TTYH3: variants seen among roughly 807,000 people sequenced by gnomAD.
The protein encoded by TTYH3 is tweety family member 3.
A neutral mutation model predicts 68.2 loss-of-function variants in TTYH3; 23 were observed. The ratio of observed to expected loss-of-function variants is 0.34; its 90% confidence interval spans 0.24 to 0.48. The LOEUF (loss-of-function observed/expected upper bound fraction) is 0.48. TTYH3 is among the 20% of genes least tolerant of loss of function. TTYH3 has a pLI of 0.99. For missense variants in TTYH3, 768 were observed against 727.7 expected, an observed-to-expected ratio of 1.06 and a Z score of -0.64; for synonymous variants, 360 against 332.8, an observed-to-expected ratio of 1.08 and a Z score of -0.89.
At chr7:2,638,927 G>C (rs773646391) in intron 1 of TTYH3, among the ~76,000 whole-genome samples, 32 of 152,102 alleles carry the variant, frequency 2.1e-4, no homozygotes, top group Non-Finnish European at 3.5e-4. Flanking sequence ...CATGGGGGTG[G>C]TGGTAGTGGC....
rs1786028361 is a variant in TTYH3, at chr7:2,647,442, A to G, written c.430A>G (p.Asn144Asp). The G allele has an allele frequency of 2.0e-6, 3 of 1,527,426 alleles. No homozygotes were observed. In the East Asian group the frequency reaches 7.4e-5, roughly 38 times the overall value. 94.6% of individuals were successfully genotyped at this position (1,527,426 alleles called of 1,614,324 possible). A position where few individuals can be genotyped will look rare whatever the true frequency, so the allele number is the denominator to read the frequency against. The change falls in exon 4 of 14, where the codon AAC becomes GAC. Residue 144 changes from asparagine to aspartate, a missense_variant. By Grantham distance (23) the Asn-to-Asp change is conservative. Transcript: ENST00000258796. ...DRVWDTAVGLNHTAEPSLQTL... is the reference protein window; with the variant it reads ...DRVWDTAVGLDHTAEPSLQTL... ...GGTGTGGGACACGGCGGTGGGGCTG[A>G]ACCACACGGCGGAGCCCAGCCTGCA... is the stretch of plus-strand genomic sequence containing the variant.
rs890235770 is a variant in TTYH3, at chr7:2,636,991, C to T, written c.123+4713C>T. Among the ~76,000 whole-genome samples the T allele has an allele frequency of 4.6e-5, 7 of 152,156 alleles. No individual in the cohort carries two copies. The East Asian group carries it at 7.7e-4, about 17-fold the overall frequency. ...CCTCTAGAAGTCCCCGAGGTCTTCA[C>T]GGCTTTTTGTAGGTGTGGATGTTGG... On this transcript the variant is annotated intron_variant, in intron 1 of 13. Coordinates refer to ENST00000258796, the MANE Select transcript of TTYH3 (RefSeq NM_025250.3).
chr7:2,633,146 G>A (rs1208199862), intron 1 of TTYH3, among the ~76,000 whole-genome samples: 1 of 152,196 alleles, frequency 6.6e-6, no homozygotes, highest in East Asian at 1.9e-4. Context: ...GGACCAAGCT[G>A]TGGGCATTTC....
At chr7:2,660,528 G>A in intron 13 of TTYH3, 1 of 985,290 alleles carries the variant, frequency 1.0e-6, no homozygotes, top group Non-Finnish European at 1.2e-6. Flanking sequence ...TCCTTCAGGG[G>A]TCTGCGCGTC....
At chr7:2,655,518 T>C (rs1786308145) in intron 9 of TTYH3, among the ~76,000 whole-genome samples, 1 of 152,232 alleles carries the variant, frequency 6.6e-6, no homozygotes, top group Non-Finnish European at 1.5e-5. Context: ...GCCCAGTCAC[T>C]GCTCCTGTGG....
chr7:2,653,632 G>A (rs1046958551), intron 9 of TTYH3, among the ~76,000 whole-genome samples: 4 of 152,242 alleles, frequency 2.6e-5, no homozygotes, highest in African/African-American at 9.6e-5. Context: ...GGAGGCCGAG[G>A]TGGGTGAATC....
Position 2,660,407 on chromosome 7 carries a change from G to T in TTYH3, c.1501-1261G>T, listed in dbSNP as rs1288570516. 5.1e-6 allele frequency: 5 copies of T among 985,298 alleles called. No individual in the cohort carries two copies. In the African/African-American group the frequency reaches 8.7e-5, roughly 17 times the overall value. 61.0% of individuals were successfully genotyped at this position (985,298 alleles called of 1,614,324 possible). On this transcript the variant is annotated intron_variant, in intron 13 of 13. Transcript: ENST00000258796. ...CCTGGGCATGTGGCCAGCAGGCCCT[G>T]CCCTGGAGGCACCAACTGCGTGTCA...
chr7:2,645,794 A>C lies in TTYH3; in HGVS notation c.124-1059A>C, dbSNP rs1035102148. ...CAGAAACACTTTCATGGTCAGCAAGAGGGGGTTCAGTCCCCCACAGGCTCC... is the reference window on the plus strand; with the variant it reads ...CAGAAACACTTTCATGGTCAGCAAGCGGGGGTTCAGTCCCCCACAGGCTCC... On this transcript the variant is annotated intron_variant, in intron 1 of 13. Transcript: ENST00000258796. This position sits in a 1 kb window ranked among gnomAD's most constrained non-coding sequence, Gnocchi z 4.8. 6 of 470,720 alleles carry C rather than the reference A, an allele frequency of 1.3e-5. No homozygotes were observed. The highest frequency in any genetic ancestry group is 2.2e-5 in the Non-Finnish European group (5 of 226,972). 29.2% of individuals were successfully genotyped at this position (470,720 alleles called of 1,614,324 possible).
intron 13 of TTYH3, chr7:2,660,124 T>C: frequency 8.1e-7 from 1 of 1,231,652 alleles, no homozygotes. Flanking sequence ...CGCCCTCCCG[T>C]CGGCACTGAG....
rs1786400559 is a variant in TTYH3, at chr7:2,658,457, C to T, written c.1422C>T (p.Tyr474=). ...TCAGCAACGCCCCGGTCACTGAGTACATGTGAGTTGACGTGGGCCTAGTGG... is the reference window on the plus strand; with the variant it reads ...TCAGCAACGCCCCGGTCACTGAGTATATGTGAGTTGACGTGGGCCTAGTGG... ...HTVSNAPVTE[Y]MSQNANFQNP... The change falls in exon 12 of 14, where the codon TAC becomes TAT. Residue 474 remains tyrosine, a splice_region_variant and synonymous_variant. Coordinates refer to ENST00000258796, the MANE Select transcript of TTYH3 (RefSeq NM_025250.3). 22 of 1,608,518 alleles carry T rather than the reference C, an allele frequency of 1.4e-5. No individual in the cohort carries two copies. The East Asian group carries it at 4.9e-4, about 36-fold the overall frequency.
At chr7:2,658,586 G>A in intron 12 of TTYH3, 127 bp downstream of exon 12, 1 of 1,149,884 alleles carries the variant, frequency 8.7e-7, no homozygotes, top group Non-Finnish European at 1.2e-6. Context: ...GGCAGCCCTG[G>A]CCTTGAGTGC....
Position 2,645,571 on chromosome 7 carries a change from G to A in TTYH3, c.124-1282G>A. The A allele has an allele frequency of 6.0e-6, 2 of 335,402 alleles. No individual in the cohort carries two copies. Among genetic ancestry groups the A allele is most frequent in the Non-Finnish European group, 1.2e-5 (2 of 165,604 alleles). The allele number at this position is 335,402 out of a possible 1,614,324, so 20.8% of individuals were successfully genotyped here. On this transcript the variant is annotated intron_variant, in intron 1 of 13. Coordinates refer to ENST00000258796, the MANE Select transcript of TTYH3 (RefSeq NM_025250.3). The surrounding 1 kb of genome is among the most constrained non-coding windows in gnomAD (Gnocchi z 4.8). ...GACCTGGGGAGAGCCACACTGGAAG[G>A]CCGTGCTTGGAGCCAGACAGGGCTG...
In TTYH3 at chr7:2,652,217, C is replaced by A; in HGVS notation, c.902C>A (p.Pro301His). 1 of 1,613,040 alleles carries A rather than the reference C, an allele frequency of 6.2e-7. No individual in the cohort carries two copies. The highest frequency in any genetic ancestry group is 8.5e-7 in the Non-Finnish European group (1 of 1,180,018). Reference sequence around the variant, plus strand: ...CTGCAGTACTACCTGGCCTGCTCGCCCCGCGCCGCCAACCCCTTCCAGCAG... The same window carrying A: ...CTGCAGTACTACCTGGCCTGCTCGCACCGCGCCGCCAACCCCTTCCAGCAG... ...DILQYYLACSPRAANPFQQKL... is the reference protein window; with the variant it reads ...DILQYYLACSHRAANPFQQKL... The change falls in exon 8 of 14, where the codon CCC (proline) becomes CAC (histidine). Residue 301 changes from proline (P) to histidine (H), a missense_variant. By Grantham distance (77) the Pro-to-His change is moderately conservative. Transcript: ENST00000258796.
chr7:2,661,456 T>A (rs933100787), intron 13 of TTYH3, among the ~76,000 whole-genome samples: 2 of 152,004 alleles, frequency 1.3e-5, no homozygotes, highest in Admixed American at 6.5e-5. Flanking sequence ...GGGCTGCCCC[T>A]CCCTCAGCCT....
chr7:2,645,572 C>A lies in TTYH3; in HGVS notation c.124-1281C>A, dbSNP rs1229258266. The stretch of plus-strand genomic sequence containing the variant: ...ACCTGGGGAGAGCCACACTGGAAGG[C>A]CGTGCTTGGAGCCAGACAGGGCTGT... On this transcript the variant is annotated intron_variant, in intron 1 of 13. Transcript: ENST00000258796. This position sits in a 1 kb window ranked among gnomAD's most constrained non-coding sequence, Gnocchi z 4.8. The A allele has an allele frequency of 6.0e-6, 2 of 334,476 alleles. No individual in the cohort carries two copies. The highest frequency in any genetic ancestry group is 3.9e-5 in the Admixed American group (1 of 25,854). 20.7% of individuals were successfully genotyped at this position (334,476 alleles called of 1,614,324 possible).
chr7:2,638,000 G>A (rs1785725332), intron 1 of TTYH3, among the ~76,000 whole-genome samples: 1 of 152,210 alleles, frequency 6.6e-6, no homozygotes, highest in South Asian at 2.1e-4. Context: ...TAGCCGTTCT[G>A]CCCCCCTCGG....
chr7:2,643,784 A>G (rs1045532672), intron 1 of TTYH3, among the ~76,000 whole-genome samples: 1 of 150,924 alleles, frequency 6.6e-6, no homozygotes, highest in African/African-American at 2.5e-5. Context: ...CTGGGTGGAC[A>G]TGCCAGGCCG....
intron 13 of TTYH3, chr7:2,659,828 C>T (rs987573393): frequency 1.8e-5 from 22 of 1,216,476 alleles, no homozygotes; most frequent in Non-Finnish European, 2.1e-5. Flanking sequence ...CGGCTGCCCT[C>T]GTCCTCGCCA....
chr7:2,642,708 A>G (rs1235039294), intron 1 of TTYH3, among the ~76,000 whole-genome samples: 1 of 148,718 alleles, frequency 6.7e-6, no homozygotes, highest in African/African-American at 2.5e-5. Context: ...AGCCTGGGCC[A>G]CAGAGCAAGA....
Sources: allele counts gnomAD v4.1 joint callset (sites outside exome capture counted in the v4.1 genomes callset), GRCh38; gene constraint gnomAD v4.1.1; non-coding constraint Gnocchi (gnomAD v3.1); transcripts MANE v1.5; gene names NCBI Gene and HGNC (gene_info 2026-07-23, HGNC 2026-07-21).